Variants in EFCAB6 observed in about 807,000 individuals in gnomAD.
EFCAB6 encodes the protein EF-hand calcium binding domain 6.
In EFCAB6, 156 loss-of-function variants were observed where a neutral mutation model predicts 169.8. That is an observed-to-expected ratio of 0.92 (90% CI 0.81 to 1.05). The LOEUF is 1.05. Among genes scored for constraint, EFCAB6 ranks in the 50% least tolerant of loss-of-function variants. The pLI, the probability that EFCAB6 is intolerant of heterozygous loss-of-function variation, is 0.00. For missense variants in EFCAB6, 1,800 were observed against 1,829.1 expected (o/e 0.98, Z 0.29); for synonymous variants, 698 against 676.4 (o/e 1.03, Z -0.50).
rs953778332 is a variant in EFCAB6 at position 43,744,156 on chromosome 22, T to A, written c.508-8163A>T. ...ATGGATGGGTAGATGGATGGATGGATGATGGATAGATGGGTAGATGGATGA... is the reference window on the plus strand; with the variant it reads ...ATGGATGGGTAGATGGATGGATGGAAGATGGATAGATGGGTAGATGGATGA... On this transcript the variant is annotated intron_variant, in intron 6 of 31. Coordinates refer to ENST00000262726, the MANE Select transcript of EFCAB6 (RefSeq NM_022785.4). This position sits in a 1 kb window ranked among gnomAD's most constrained non-coding sequence, Gnocchi z 4.3. Among the ~76,000 whole-genome samples, 2 of 150,888 alleles carry A rather than the reference T, an allele frequency of 1.3e-5. No individual in the cohort carries two copies. The highest frequency in any genetic ancestry group is 4.9e-5 in the African/African-American group (2 of 40,800).
At chr22:43,601,992 T>A (rs2052555916) in intron 22 of EFCAB6, among the ~76,000 whole-genome samples, 1 of 152,156 alleles carries the variant, frequency 6.6e-6, no homozygotes, top group Non-Finnish European at 1.5e-5. Flanking sequence ...GTAAGAAAAG[T>A]CCCCTTGGAC....
intron 10 of EFCAB6, among the ~76,000 whole-genome samples, chr22:43,703,505 C>G (rs2058839937): frequency 6.6e-6 from 1 of 151,758 alleles, no homozygotes; most frequent in African/African-American, 2.4e-5. Context: ...ACAATGGACC[C>G]TAAAGAAAGG....
At chr22:43,623,390 TA>T (rs1428105953) in intron 20 of EFCAB6, among the ~76,000 whole-genome samples, 1 of 152,182 alleles carries the variant, frequency 6.6e-6, no homozygotes, top group East Asian at 1.9e-4. Flanking sequence ...AAAAAAGGAA[TA>T]AGTCATTGGA....
intron 27 of EFCAB6, among the ~76,000 whole-genome samples, chr22:43,547,533 A>G (rs2048130206): frequency 6.6e-6 from 1 of 151,756 alleles, no homozygotes; most frequent in Admixed American, 6.6e-5. Flanking sequence ...TGAGCTCAAG[A>G]GTTTGAGACC....
At chr22:43,561,828 T>C (rs867937869) in intron 26 of EFCAB6, among the ~76,000 whole-genome samples, 92 of 152,176 alleles carry the variant, frequency 6.0e-4, no homozygotes, top group African/African-American at 2.0e-3. Flanking sequence ...TTTCTCCTAA[T>C]CAAAAAAGAC....
chr22:43,560,473 T>C (rs976253938), intron 26 of EFCAB6, among the ~76,000 whole-genome samples: 1 of 152,220 alleles, frequency 6.6e-6, no homozygotes, highest in Non-Finnish European at 1.5e-5. Flanking sequence ...ACCTGTTTGT[T>C]ATAGCATTAT....
chr22:43,675,365 A>AATATAATATACTATATTATACTATAAT (rs2057694003), intron 13 of EFCAB6, among the ~76,000 whole-genome samples: 1 of 128,416 alleles, frequency 7.8e-6, no homozygotes, highest in African/African-American at 2.8e-5. Flanking sequence ...TATAATATAT[A>AATATAATATACTATATTATACTATAAT]ATATAATATA....
chr22:43,667,346 T>A, intron 16 of EFCAB6, 74 bp from the exon 17 acceptor site: 1 of 1,527,214 alleles, frequency 6.5e-7, no homozygotes, highest in South Asian at 1.2e-5. Context: ...ACTGCACCCA[T>A]TTCCATGTAA....
chr22:43,635,063 G>C, intron 18 of EFCAB6, 39 bp downstream of exon 18: 1 of 1,551,236 alleles, frequency 6.4e-7, no homozygotes, highest in Non-Finnish European at 8.9e-7. Flanking sequence ...GTGTCACCCA[G>C]GACGCATCCC....
chr22:43,540,491 A>T, intron 27 of EFCAB6, 134 bp from the exon 28 acceptor site: 1 of 1,540,644 alleles, frequency 6.5e-7, no homozygotes, highest in Non-Finnish European at 8.7e-7. Flanking sequence ...GAAGAAAATT[A>T]AAAAAATAAA....
chr22:43,577,820 C>G (rs1009129580), intron 25 of EFCAB6, among the ~76,000 whole-genome samples: 1 of 151,294 alleles, frequency 6.6e-6, no homozygotes, highest in Admixed American at 6.6e-5. Flanking sequence ...TCCCTCACAC[C>G]GCACCGGGAC....
intron 6 of EFCAB6, among the ~76,000 whole-genome samples, chr22:43,741,413 C>A (rs905964333): frequency 1.3e-5 from 2 of 152,202 alleles, no homozygotes; most frequent in African/African-American, 2.4e-5. Flanking sequence ...TCCCTCCCTG[C>A]CTTCGTTCAG....
intron 27 of EFCAB6, chr22:43,552,037 T>C (rs1225747701): frequency 6.6e-6 from 1 of 152,120 alleles, no homozygotes; most frequent in Non-Finnish European, 1.5e-5. Flanking sequence ...TTCACCATAT[T>C]GGCCAGGCTG....
intron 10 of EFCAB6, among the ~76,000 whole-genome samples, chr22:43,706,154 A>C (rs1160537113): frequency 6.6e-6 from 1 of 152,198 alleles, no homozygotes; most frequent in African/African-American, 2.4e-5. Context: ...ATCACGAAGA[A>C]ACAGAAAATA....
chr22:43,611,549 A>G (rs2053301247), intron 21 of EFCAB6, among the ~76,000 whole-genome samples: 1 of 152,198 alleles, frequency 6.6e-6, no homozygotes, highest in South Asian at 2.1e-4. Context: ...ATAATCCCAG[A>G]ACCTTGGGAG....
intron 12 of EFCAB6, among the ~76,000 whole-genome samples, chr22:43,681,305 C>G (rs939837560): frequency 1.3e-5 from 2 of 152,160 alleles, no homozygotes; most frequent in African/African-American, 4.8e-5. Flanking sequence ...TGGGATAAAT[C>G]CCATGTGGTC....
chr22:43,649,108 G>A (rs1569314957), intron 17 of EFCAB6, among the ~76,000 whole-genome samples: 1 of 152,186 alleles, frequency 6.6e-6, no homozygotes, highest in African/African-American at 2.4e-5. Flanking sequence ...GAGCCCGAGG[G>A]GGAAAAAAGT....
In EFCAB6 at chr22:43,744,595, G is replaced by A. The variant is rs992338863; in HGVS notation, c.508-8602C>T. The stretch of plus-strand genomic sequence containing the variant: ...AGGGAAGGGGACCCAAGCAGCCAAA[G>A]GAAGTGAGCTGGACCACCAGGAGTG... On this transcript the variant is annotated intron_variant, in intron 6 of 31. Coordinates refer to ENST00000262726, the MANE Select transcript of EFCAB6 (RefSeq NM_022785.4). The surrounding 1 kb of genome is among the most constrained non-coding windows in gnomAD (Gnocchi z 4.3). Among the ~76,000 whole-genome samples, 2 of 152,150 alleles carry A rather than the reference G, an allele frequency of 1.3e-5. No individual in the cohort carries two copies. The highest frequency in any genetic ancestry group is 4.8e-5 in the African/African-American group (2 of 41,434).
chr22:43,723,228 G>T (rs991686659), intron 8 of EFCAB6, among the ~76,000 whole-genome samples: 2 of 152,096 alleles, frequency 1.3e-5, no homozygotes, highest in African/African-American at 4.8e-5. Context: ...ATCTACTCCT[G>T]GTAAAGATGC....
Sources: allele counts gnomAD v4.1 joint callset (sites outside exome capture counted in the v4.1 genomes callset), GRCh38; gene constraint gnomAD v4.1.1; non-coding constraint Gnocchi (gnomAD v3.1); transcripts MANE v1.5; gene names NCBI Gene and HGNC (gene_info 2026-07-23, HGNC 2026-07-21).